Variants in TENM2 observed in about 807,000 individuals in gnomAD.
TENM2 encodes the protein teneurin-2.
In TENM2, 52 loss-of-function variants were observed where a neutral mutation model predicts 245.2. The ratio of observed to expected loss-of-function variants is 0.21; its 90% CI spans 0.17 to 0.27. The LOEUF (loss-of-function observed/expected upper bound fraction) is 0.27, where lower values mean the gene tolerates loss of function less well. TENM2 is among the 10% of genes least tolerant of loss of function. The pLI is 1.00. For synonymous variants in TENM2, 1,363 were observed against 1,438.9 expected (o/e 0.95, Z 1.19); for missense variants, 3,046 against 3,666.8 (o/e 0.83, Z 4.37).
chr5:167,486,495 A>AT (rs1467382228), intron 2 of TENM2, among the ~76,000 whole-genome samples: 5 of 151,626 alleles, frequency 3.3e-5, no homozygotes, highest in Non-Finnish European at 7.4e-5. Flanking sequence ...CGCCCAGCTA[A>AT]TTTTTTGTGT....
chr5:167,815,557 C>T (rs1766981711), intron 2 of TENM2, among the ~76,000 whole-genome samples: 1 of 152,100 alleles, frequency 6.6e-6, no homozygotes, highest in Non-Finnish European at 1.5e-5. Context: ...AATAAGAGGC[C>T]ATGCTTTGGC....
rs937862423 is a variant in TENM2, at chr5:168,052,011, A to G, written c.1309+4462A>G. 4.0e-5 allele frequency among the ~76,000 whole-genome samples: 6 copies of G among 151,692 alleles called. No individual in the cohort carries two copies. In the East Asian group the frequency reaches 1.2e-3, roughly 30 times the overall value. Reference sequence around the variant, plus strand: ...GCAGTGGCTCACGCCTGTAATCCCAACACTTTGGGATGCGAAAGTGAGAGG... The same window carrying G: ...GCAGTGGCTCACGCCTGTAATCCCAGCACTTTGGGATGCGAAAGTGAGAGG... On this transcript the variant is annotated intron_variant, in intron 6 of 28. Transcript: ENST00000518659.
chr5:167,879,489 CT>C (rs771785771), intron 3 of TENM2, among the ~76,000 whole-genome samples: 1 of 152,092 alleles, frequency 6.6e-6, no homozygotes, highest in Non-Finnish European at 1.5e-5. Flanking sequence ...AATAACTCAT[CT>C]GGAAAAAAAA....
In TENM2 at chr5:168,244,737, G is replaced by A; in HGVS notation, c.5817+21G>A. ...ACAAGGTAGGTGAACATGCTGCCCT[G>A]ACAGCAAGGGCTTTCTGTTATTTCT... is the stretch of plus-strand genomic sequence containing the variant. On this transcript the variant is annotated intron_variant, in intron 26 of 28. Coordinates refer to ENST00000518659, the Ensembl canonical transcript of TENM2. The surrounding 1 kb of genome is among the most constrained non-coding windows in gnomAD (Gnocchi z 4.9). 2 of 1,400,766 alleles carry A rather than the reference G, an allele frequency of 1.4e-6. No individual in the cohort carries two copies. Among genetic ancestry groups the A allele is most frequent in the South Asian group, 1.8e-5 (1 of 54,290 alleles). 86.8% of individuals were successfully genotyped at this position (1,400,766 alleles called of 1,614,324 possible).
At chr5:167,830,251 T>A (rs2151088256) in intron 2 of TENM2, among the ~76,000 whole-genome samples, 1 of 152,304 alleles carries the variant, frequency 6.6e-6, no homozygotes, top group East Asian at 1.9e-4. Flanking sequence ...TAGAGTGAGA[T>A]GTGTTTAATT....
intron 7 of TENM2, among the ~76,000 whole-genome samples, chr5:168,067,850 T>C (rs987783381): frequency 6.6e-6 from 1 of 152,176 alleles, no homozygotes; most frequent in Non-Finnish European, 1.5e-5. Flanking sequence ...GGCTGTCAGC[T>C]TGCATAGCAC....
the TENM2 span, among the ~76,000 whole-genome samples, chr5:167,103,974 A>G: frequency 1.3e-5 from 2 of 151,998 alleles, no homozygotes; most frequent in Non-Finnish European, 2.9e-5. Context: ...TTTCTCCTCT[A>G]TACCGACTGG....
chr5:167,577,709 TTC>T (rs1023368172), intron 2 of TENM2, among the ~76,000 whole-genome samples: 1 of 152,154 alleles, frequency 6.6e-6, no homozygotes, highest in Non-Finnish European at 1.5e-5. Flanking sequence ...TTGCCTCTTG[TTC>T]TCTTTTTTTA....
At chr5:167,830,901 TG>T (rs1768416435) in intron 2 of TENM2, among the ~76,000 whole-genome samples, 1 of 152,172 alleles carries the variant, frequency 6.6e-6, no homozygotes, top group Non-Finnish European at 1.5e-5. Context: ...GAAAACACTT[TG>T]AGAACCACTG....
the TENM2 span, among the ~76,000 whole-genome samples, chr5:167,062,630 G>A: frequency 5.9e-5 from 9 of 152,194 alleles, no homozygotes; most frequent in African/African-American, 1.9e-4. Flanking sequence ...GCCAGGTGTT[G>A]TTCTAGATCC....
intron 2 of TENM2, among the ~76,000 whole-genome samples, chr5:167,474,557 A>G (rs1369826307): frequency 6.7e-6 from 1 of 149,304 alleles, no homozygotes. Flanking sequence ...TCTGTCGCCC[A>G]GGCTGGAGTG....
chr5:167,063,423 C>T, the TENM2 span, among the ~76,000 whole-genome samples: 1 of 152,156 alleles, frequency 6.6e-6, no homozygotes, highest in African/African-American at 2.4e-5. Flanking sequence ...TGAGCCTTAC[C>T]CTTGGAGATT....
intron 2 of TENM2, among the ~76,000 whole-genome samples, chr5:167,786,434 A>T (rs1332166691): frequency 6.6e-6 from 1 of 152,240 alleles, no homozygotes; most frequent in Non-Finnish European, 1.5e-5. Flanking sequence ...GATAAGTTCC[A>T]GTATGCCTAG....
At chr5:167,572,030 C>G (rs1361663231) in intron 2 of TENM2, among the ~76,000 whole-genome samples, 3 of 152,202 alleles carry the variant, frequency 2.0e-5, no homozygotes, top group Non-Finnish European at 4.4e-5. Flanking sequence ...TGGCCAGCTG[C>G]CTTCTGTTCA....
At chr5:167,847,130 T>G (rs1205439418) in intron 2 of TENM2, among the ~76,000 whole-genome samples, 1 of 152,178 alleles carries the variant, frequency 6.6e-6, no homozygotes, top group Admixed American at 6.5e-5. Context: ...TTTAAAGATG[T>G]TTTGTAGAGA....
At chr5:168,104,133 G>A (rs1325418984) in intron 9 of TENM2, among the ~76,000 whole-genome samples, 3 of 152,068 alleles carry the variant, frequency 2.0e-5, no homozygotes, top group East Asian at 1.9e-4. Context: ...GGTTCTAAGC[G>A]ATTCTACTGC....
intron 25 of TENM2, among the ~76,000 whole-genome samples, chr5:168,228,749 G>A (rs901124600): frequency 2.1e-5 from 2 of 96,172 alleles, no homozygotes; most frequent in African/African-American, 8.3e-5. Flanking sequence ...CCAAGAGGAA[G>A]TAACAACTGA....
At chr5:167,015,119 A>G in the TENM2 span, among the ~76,000 whole-genome samples, 1 of 152,228 alleles carries the variant, frequency 6.6e-6, no homozygotes, top group Non-Finnish European at 1.5e-5. Flanking sequence ...CTCAATAAAC[A>G]TTTTTAACTA....
At chr5:167,371,423 G>A (rs975796754) in intron 1 of TENM2, among the ~76,000 whole-genome samples, 58 of 148,568 alleles carry the variant, frequency 3.9e-4, no homozygotes, top group Admixed American at 4.1e-4. Flanking sequence ...GTACAATGGC[G>A]TGATCTCAGC....
Sources: gnomAD v4.1 joint callset for allele counts (sites outside exome capture counted in the v4.1 genomes callset) on GRCh38, gnomAD v4.1.1 for gene constraint, Gnocchi (gnomAD v3.1) non-coding constraint, MANE v1.5 for transcripts, NCBI Gene and HGNC (gene_info 2026-07-23, HGNC 2026-07-21) for gene names.